Variants in POLQ observed in about 807,000 individuals in gnomAD.
The protein encoded by POLQ is DNA polymerase theta, also known as epididymis secretory sperm binding protein.
POLQ carries 233 observed loss-of-function variants against 259.2 expected under a neutral mutation model. The ratio of observed to expected loss-of-function variants is 0.90; its 90% CI spans 0.81 to 1.00. The LOEUF is 1.00. Ranked by LOEUF, POLQ falls within the 50% of genes least tolerant of loss-of-function variation. The probability of loss-of-function intolerance (pLI) is 0.00; values close to 1 mark genes in which losing one functional copy is unlikely to be tolerated. For synonymous variants in POLQ, 1,025 were observed against 1,048.8 expected, an observed-to-expected ratio of 0.98 and a Z score of 0.44; for missense variants, 2,871 against 3,051.6, an observed-to-expected ratio of 0.94 and a Z score of 1.39.
chr3:121,539,224 A>C (rs1431710040), intron 4 of POLQ, among the ~76,000 whole-genome samples: 1 of 152,196 alleles, frequency 6.6e-6, no homozygotes, highest in Non-Finnish European at 1.5e-5. Context: ...GTAAAGTACA[A>C]AAATGCAACG....
intron 12 of POLQ, among the ~76,000 whole-genome samples, chr3:121,499,556 G>T (rs534154690): frequency 6.6e-6 from 1 of 152,246 alleles, no homozygotes; most frequent in Admixed American, 6.5e-5. Flanking sequence ...CGCCCGGCCA[G>T]AACCTAAGTT....
chr3:121,503,379 A>G lies in POLQ; in HGVS notation c.1960-4709T>C, dbSNP rs187045492. 7.9e-5 allele frequency among the ~76,000 whole-genome samples: 12 copies of G among 152,362 alleles called. No homozygotes were observed. In the East Asian group the frequency reaches 2.3e-3, roughly 29 times the overall value. On this transcript the variant is annotated intron_variant, in intron 12 of 29. Transcript: ENST00000264233. The stretch of plus-strand genomic sequence containing the variant: ...CAGAATGTATCACTGTCCTTAAGCA[A>G]TAATGACTATACTAGAATATATTCC...
At chr3:121,467,116 A>T (rs2047843917) in intron 24 of POLQ, among the ~76,000 whole-genome samples, 2 of 152,202 alleles carry the variant, frequency 1.3e-5, no homozygotes, top group African/African-American at 4.8e-5. Flanking sequence ...ATAAAAGCAA[A>T]CAAGTTAGAA....
At chr3:121,525,112 C>T (rs533973427) in intron 7 of POLQ, among the ~76,000 whole-genome samples, 4 of 152,162 alleles carry the variant, frequency 2.6e-5, no homozygotes, top group Admixed American at 6.5e-5. Context: ...GAGTCCAAGG[C>T]GAGTGGATCA....
intron 28 of POLQ, among the ~76,000 whole-genome samples, chr3:121,433,497 C>T (rs1390345582): frequency 6.6e-6 from 1 of 152,164 alleles, no homozygotes; most frequent in Non-Finnish European, 1.5e-5. Flanking sequence ...AGAACTGGTG[C>T]TTCCCCAATT....
rs978988875 is a variant in POLQ, at chr3:121,432,951, G to A, written c.7626C>T (p.Leu2542=). 5 of 1,606,044 alleles carry A rather than the reference G, an allele frequency of 3.1e-6. No individual in the cohort carries two copies. The African/African-American group carries it at 4.0e-5, about 13-fold the overall frequency. Reference sequence around the variant, plus strand: ...CATCTTCTTCTGCCACTTCATATAGGAGTTCATCATGGAGTTGAAGGATGA... The same window carrying A: ...CATCTTCTTCTGCCACTTCATATAGAAGTTCATCATGGAGTTGAAGGATGA... ...GFFILQLHDE[L]LYEVAEEDVV... is the part of the protein sequence containing the mutation. Residue 2542 remains leucine, a synonymous_variant, in exon 29 of 30, where the codon CTC becomes CTT. Coordinates refer to ENST00000264233, the MANE Select transcript of POLQ (RefSeq NM_199420.4).
chr3:121,534,268 G>A (rs2048434736), intron 5 of POLQ, among the ~76,000 whole-genome samples: 1 of 151,284 alleles, frequency 6.6e-6, no homozygotes, highest in African/African-American at 2.4e-5. Context: ...TCTGGATAGT[G>A]AATTTCCTCT....
At chr3:121,537,241 A>C in intron 4 of POLQ, 33 bp from the exon 5 acceptor site, 2 of 1,159,216 alleles carry the variant, frequency 1.7e-6, no homozygotes, top group Non-Finnish European at 2.6e-6. Flanking sequence ...AGGTTTTTAC[A>C]GAATGTCACA....
chr3:121,438,481 C>G (rs552156878), intron 27 of POLQ, among the ~76,000 whole-genome samples: 2 of 152,148 alleles, frequency 1.3e-5, no homozygotes, highest in African/African-American at 2.4e-5. Context: ...TTAGAAGAAG[C>G]CTTTTAGTCT....
At position 121,483,414 on chromosome 3, in the gene POLQ, G is replaced by A. The variant is rs935945215; in HGVS notation, c.5942C>T (p.Ser1981Phe). The A allele has an allele frequency of 1.3e-6, 2 of 1,581,924 alleles. No homozygotes were observed. Among genetic ancestry groups the A allele is most frequent in the Non-Finnish European group, 1.7e-6 (2 of 1,169,550 alleles). Residue 1981 changes from serine to phenylalanine, a missense_variant, in exon 18 of 30, where the codon TCC (serine) becomes TTC (phenylalanine). Transcript: ENST00000264233. ...YKILLLSCGISLEQSYEDPKV... is the reference protein window; with the variant it reads ...YKILLLSCGIFLEQSYEDPKV... ...AGGATCTTCATAACTTTGCTCCAAGGAGATGCCACAAGAAAGAAGAAGAAT... is the reference window on the plus strand; with the variant it reads ...AGGATCTTCATAACTTTGCTCCAAGAAGATGCCACAAGAAAGAAGAAGAAT...
rs2048000424 is a variant in POLQ, at chr3:121,485,035, A to T, written c.5773+6T>A. The T allele has an allele frequency of 6.2e-7, 1 of 1,606,282 alleles. No individual in the cohort carries two copies. ...ATAGTGACTTAGCCAAATACTCATT[A>T]CTTACCAGAATGCTTTTGTTCCTTC... is the stretch of plus-strand genomic sequence containing the variant. On this transcript the variant is annotated splice_donor_region_variant and intron_variant, in intron 17 of 29. Coordinates refer to ENST00000264233, the MANE Select transcript of POLQ (RefSeq NM_199420.4).
Position 121,488,299 on chromosome 3 carries a change from G to A in POLQ, c.4632C>T (p.Thr1544=). ...KKSNVNENQD[T]HQQLTCSNDE... ...CATTGGAACAAGTCAACTGCTGGTG[G>A]GTATCTTGATTCTCATTTACATTTG... The change falls in exon 16 of 30, where the codon ACC becomes ACT. Residue 1544 remains threonine (T), a synonymous_variant. Transcript: ENST00000264233. The A allele has an allele frequency of 6.2e-7, 1 of 1,612,154 alleles. No homozygotes were observed. Among genetic ancestry groups the A allele is most frequent in the African/African-American group, 1.3e-5 (1 of 74,918 alleles).
At chr3:121,513,763 C>T (rs1291358431) in intron 9 of POLQ, among the ~76,000 whole-genome samples, 1 of 151,974 alleles carries the variant, frequency 6.6e-6, no homozygotes, top group East Asian at 1.9e-4. Context: ...GTGGCTTATG[C>T]CTGTAATCCC....
chr3:121,516,219 A>G (rs1576423577), intron 9 of POLQ, among the ~76,000 whole-genome samples: 1 of 152,274 alleles, frequency 6.6e-6, no homozygotes, highest in South Asian at 2.1e-4. Context: ...GTATACAGAT[A>G]GCATCACTCT....
intron 16 of POLQ, among the ~76,000 whole-genome samples, chr3:121,485,650 C>T (rs1303077095): frequency 2.6e-5 from 4 of 151,976 alleles, no homozygotes; most frequent in Admixed American, 6.6e-5. Context: ...AGAATCAATC[C>T]GTCTTATTGA....
intron 12 of POLQ, among the ~76,000 whole-genome samples, chr3:121,503,468 T>C (rs1221993181): frequency 6.6e-6 from 1 of 152,246 alleles, no homozygotes; most frequent in East Asian, 1.9e-4. Context: ...ATACCGACTG[T>C]AGTTGAAAAC....
rs1019257221 is a variant in POLQ at position 121,490,163 on chromosome 3, A to C, written c.2768T>G (p.Phe923Cys). Residue 923 changes from phenylalanine (F) to cysteine (C), a missense_variant, in exon 16 of 30, where the codon TTT (phenylalanine) becomes TGT (cysteine). Phe to Cys is a radical substitution (Grantham distance 205). This residue lies in a region of POLQ where 2,080 missense variants were observed against 2,126.0 expected (regional missense o/e 0.98). Coordinates refer to ENST00000264233, the MANE Select transcript of POLQ (RefSeq NM_199420.4). ...HSESEVKEHT[F>C]ISQTKSSYKK... The stretch of plus-strand genomic sequence containing the variant: ...ATAAGAACTCTTAGTTTGGGATATA[A>C]ATGTGTGTTCCTTTACTTCGGACTC... 3.1e-6 allele frequency: 5 copies of C among 1,611,608 alleles called. No homozygotes were observed. Among genetic ancestry groups the C allele is most frequent in the Non-Finnish European group, 4.2e-6 (5 of 1,178,406 alleles).
intron 20 of POLQ, among the ~76,000 whole-genome samples, chr3:121,475,478 G>C (rs2047917993): frequency 6.6e-6 from 1 of 151,796 alleles, no homozygotes. Context: ...TGGCAGTATA[G>C]GAGAAAAAAA....
chr3:121,494,963 C>CA (rs35833957), intron 14 of POLQ: 194,083 of 530,656 alleles, frequency 0.37, 15,511 homozygotes, highest in African/African-American at 0.47. Flanking sequence ...TACAAATTTT[C>CA]AAAAAAAAAA....
Sources: gnomAD v4.1 joint callset for allele counts (sites outside exome capture counted in the v4.1 genomes callset) on GRCh38, gnomAD v4.1.1 for gene constraint, gnomAD v4.1.1 regional missense constraint, MANE v1.5 for transcripts, NCBI Gene and HGNC (gene_info 2026-07-23, HGNC 2026-07-21) for gene names.